Variants in SP1 observed in about 807,000 individuals in gnomAD.
SP1 encodes the protein Sp1 transcription factor, also known as transcription factor Sp1.
A neutral mutation model predicts 66.3 loss-of-function variants in SP1; 6 were observed. That is an observed-to-expected ratio of 0.09 (90% CI 0.05 to 0.18). The LOEUF (loss-of-function observed/expected upper bound fraction) is 0.18, where lower values mean the gene tolerates loss of function less well. Among genes scored for constraint, SP1 ranks in the 10% least tolerant of loss-of-function variants. SP1 has a pLI of 1.00. For synonymous variants in SP1, 417 were observed against 360.8 expected (o/e 1.16, Z -1.77); for missense variants, 848 against 964.5 (o/e 0.88, Z 1.60).
At position 53,406,695 on chromosome 12, in the gene SP1, G is replaced by A. The variant is rs374618406; in HGVS notation, c.1786G>A (p.Gly596Ser). Residue 596 changes from glycine (G) to serine (S), a missense_variant, in exon 4 of 6, where the codon GGT (glycine) becomes AGT (serine). Transcript: ENST00000327443. The stretch of plus-strand genomic sequence containing the variant: ...CAGCCCAGATGCCCAACCCCAAGCC[G>A]GTCGGAGGACCCGGCGGGAAGCATG... ...ENSPDAQPQAGRRTRREACTC... is the reference protein window; with the variant it reads ...ENSPDAQPQASRRTRREACTC... The A allele has an allele frequency of 1.1e-5, 18 of 1,614,000 alleles. No individual in the cohort carries two copies. In the African/African-American group the frequency reaches 1.2e-4, roughly 11 times the overall value.
chr12:53,386,599 C>T (rs1203385658), intron 3 of SP1, among the ~76,000 whole-genome samples: 1 of 148,580 alleles, frequency 6.7e-6, no homozygotes, highest in East Asian at 2.0e-4. Context: ...TCCAGTGATT[C>T]TCCTGCCTCA....
chr12:53,389,406 A>T (rs946883800), intron 3 of SP1, among the ~76,000 whole-genome samples: 1 of 151,530 alleles, frequency 6.6e-6, no homozygotes, highest in Non-Finnish European at 1.5e-5. Context: ...ATTGAGTTTC[A>T]CCATGTTGGC....
chr12:53,408,390 C>G (rs1938799370), intron 4 of SP1, among the ~76,000 whole-genome samples: 1 of 150,888 alleles, frequency 6.6e-6, no homozygotes, highest in Non-Finnish European at 1.5e-5. Context: ...GCATGTGCCA[C>G]CACGCCTGGC....
chr12:53,395,438 C>G (rs946739018), intron 3 of SP1, among the ~76,000 whole-genome samples: 2 of 152,064 alleles, frequency 1.3e-5, no homozygotes, highest in Admixed American at 1.3e-4. Context: ...ATTTACCTTT[C>G]TTAAGTGCTG....
intron 3 of SP1, among the ~76,000 whole-genome samples, chr12:53,404,027 C>T (rs548243501): frequency 2.0e-5 from 3 of 151,562 alleles, no homozygotes; most frequent in African/African-American, 4.8e-5. Flanking sequence ...AAAAGTTAGC[C>T]GGGCGTGGTG....
chr12:53,412,341 A>T lies in SP1; in HGVS notation c.*1101A>T, dbSNP rs903676505. On this transcript the variant is annotated 3_prime_UTR_variant, in exon 6 of 6. Coordinates refer to ENST00000327443, the MANE Select transcript of SP1 (RefSeq NM_138473.3). ...AATCATGTGCTCAGAAGAGGAAATG[A>T]CTCGTAGTCAGGTTCAGGAGTTAGT... 6 of 152,518 alleles carry T rather than the reference A, an allele frequency of 3.9e-5. No homozygotes were observed. The highest frequency in any genetic ancestry group is 8.8e-5 in the Non-Finnish European group (6 of 68,004). The allele number at this position is 152,518 out of a possible 1,614,324, so 9.4% of individuals were successfully genotyped here. A position where few individuals can be genotyped will look rare whatever the true frequency, so the allele number is the denominator to read the frequency against.
Position 53,382,367 on chromosome 12 carries a change from C to T in SP1, c.420C>T (p.Arg140=). The T allele has an allele frequency of 6.2e-7, 1 of 1,614,204 alleles. No individual in the cohort carries two copies. Among genetic ancestry groups the T allele is most frequent in the Non-Finnish European group, 8.5e-7 (1 of 1,180,030 alleles). ...GSNGSESSKN[R]TVSGGQYVVA... ...ATGGCAGTGAGTCTTCCAAGAATCGCACAGTCTCTGGTGGGCAGTATGTTG... is the reference window on the plus strand; with the variant it reads ...ATGGCAGTGAGTCTTCCAAGAATCGTACAGTCTCTGGTGGGCAGTATGTTG... The change falls in exon 3 of 6, where the codon CGC becomes CGT. Residue 140 remains arginine, a synonymous_variant. Coordinates refer to ENST00000327443, the MANE Select transcript of SP1 (RefSeq NM_138473.3).
At chr12:53,392,152 A>G (rs1302624682) in intron 3 of SP1, among the ~76,000 whole-genome samples, 1 of 152,108 alleles carries the variant, frequency 6.6e-6, no homozygotes, top group Admixed American at 6.6e-5. Context: ...CCTATATACA[A>G]AATAAATAAT....
intron 4 of SP1, 118 bp from the exon 5 acceptor site, chr12:53,409,242 CTT>C: frequency 2.4e-6 from 2 of 816,772 alleles, no homozygotes; most frequent in Admixed American, 2.8e-5. Context: ...AAAAAGAAGA[CTT>C]TTTCAAAAAA....
chr12:53,402,128 T>A (rs945607193), intron 3 of SP1, among the ~76,000 whole-genome samples: 1 of 152,152 alleles, frequency 6.6e-6, no homozygotes, highest in East Asian at 1.9e-4. Context: ...CTTAACCCTG[T>A]ACTCCAGTAC....
chr12:53,405,828 C>G (rs974141597), intron 3 of SP1, among the ~76,000 whole-genome samples: 1 of 151,784 alleles, frequency 6.6e-6, no homozygotes, highest in Non-Finnish European at 1.5e-5. Flanking sequence ...ATTACAAATG[C>G]GTTATAAGTG....
intron 3 of SP1, among the ~76,000 whole-genome samples, chr12:53,392,130 T>A (rs1938367877): frequency 6.6e-6 from 1 of 152,160 alleles, no homozygotes; most frequent in Admixed American, 6.6e-5. Flanking sequence ...TTATTATGAA[T>A]CCTCCTTCTC....
chr12:53,410,655 G>C (rs947427103), intron 5 of SP1, among the ~76,000 whole-genome samples: 6 of 151,838 alleles, frequency 4.0e-5, no homozygotes, highest in Non-Finnish European at 7.4e-5. Context: ...ACAGGCGCCC[G>C]CCACCACGCC....
At chr12:53,390,508 C>A (rs1361883985) in intron 3 of SP1, among the ~76,000 whole-genome samples, 2 of 152,104 alleles carry the variant, frequency 1.3e-5, no homozygotes, top group African/African-American at 4.8e-5. Context: ...CATGGTGAAA[C>A]CCCGTCTCTA....
chr12:53,384,617 A>G (rs969354429), intron 3 of SP1, among the ~76,000 whole-genome samples: 2 of 151,634 alleles, frequency 1.3e-5, no homozygotes, highest in East Asian at 1.9e-4. Flanking sequence ...TTTTTTCCAC[A>G]CCCCTTTAAA....
intron 3 of SP1, among the ~76,000 whole-genome samples, chr12:53,392,619 A>C (rs1938380682): frequency 6.6e-6 from 1 of 151,304 alleles, no homozygotes; most frequent in African/African-American, 2.4e-5. Context: ...GGCCTCCCAA[A>C]GTGCTGGGAT....
In SP1 at chr12:53,380,223, C is replaced by T. The variant is rs902927438; in HGVS notation, c.-69C>T. 12 of 1,235,082 alleles carry T rather than the reference C, an allele frequency of 9.7e-6. No homozygotes were observed. The highest frequency in any genetic ancestry group is 8.9e-5 in the African/African-American group (6 of 67,564). 76.5% of individuals were successfully genotyped at this position (1,235,082 alleles called of 1,614,324 possible). A position where few individuals can be genotyped will look rare whatever the true frequency, so the allele number is the denominator to read the frequency against. Reference sequence around the variant, plus strand: ...CGGGTTCGCTTGCCTCGTCAGCGTCCGCGTTTTTCCCGGCCCCCCCCAACC... The same window carrying T: ...CGGGTTCGCTTGCCTCGTCAGCGTCTGCGTTTTTCCCGGCCCCCCCCAACC... On this transcript the variant is annotated 5_prime_UTR_variant, in exon 1 of 6. Transcript: ENST00000327443.
At chr12:53,384,037 T>G (rs1938170291) in intron 3 of SP1, among the ~76,000 whole-genome samples, 1 of 151,446 alleles carries the variant, frequency 6.6e-6, no homozygotes, top group East Asian at 1.9e-4. Context: ...TGGCGCGATC[T>G]CGGCTCACTG....
intron 3 of SP1, among the ~76,000 whole-genome samples, chr12:53,406,168 T>A (rs1938734468): frequency 6.6e-6 from 1 of 150,600 alleles, no homozygotes; most frequent in Non-Finnish European, 1.5e-5. Context: ...CCTCCCGGGT[T>A]CAAGCAATTC....
Sources: allele counts gnomAD v4.1 joint callset (sites outside exome capture counted in the v4.1 genomes callset), GRCh38; gene constraint gnomAD v4.1.1; transcripts MANE v1.5; gene names NCBI Gene and HGNC (gene_info 2026-07-23, HGNC 2026-07-21).